The following GPCPD1 variants were observed in gnomAD, a reference collection of about 807,000 sequenced individuals.
GPCPD1 encodes glycerophosphocholine phosphodiesterase 1.
GPCPD1 carries 29 observed loss-of-function variants against 89.2 expected under a neutral mutation model. The observed-to-expected ratio is 0.33, with a 90% CI of 0.24 to 0.44. The LOEUF (loss-of-function observed/expected upper bound fraction) is 0.44. Among genes scored for constraint, GPCPD1 ranks in the 20% least tolerant of loss-of-function variants. GPCPD1 has a pLI of 1.00. For missense variants in GPCPD1, 594 were observed against 808.9 expected (o/e 0.73, Z 3.22); for synonymous variants, 258 against 266.3 (o/e 0.97, Z 0.30).
chr20:5,605,958 TTTGA>T (rs1202238039), intron 1 of GPCPD1, among the ~76,000 whole-genome samples: 1 of 152,136 alleles, frequency 6.6e-6, no homozygotes, highest in Non-Finnish European at 1.5e-5. Flanking sequence ...TTGGAATCAC[TTTGA>T]TTATTTATAG....
intron 3 of GPCPD1, among the ~76,000 whole-genome samples, chr20:5,597,903 T>A (rs1979843932): frequency 6.6e-6 from 1 of 152,178 alleles, no homozygotes; most frequent in African/African-American, 2.4e-5. Context: ...GCTATCTAAG[T>A]ATGTGTTCCA....
At chr20:5,555,142 C>A (rs1985681280) in intron 19 of GPCPD1, among the ~76,000 whole-genome samples, 2 of 152,196 alleles carry the variant, frequency 1.3e-5, no homozygotes, top group African/African-American at 4.8e-5. Flanking sequence ...CAAAGATGCT[C>A]TGAACATTGT....
intron 8 of GPCPD1, among the ~76,000 whole-genome samples, chr20:5,576,419 C>CA (rs11286776): frequency 0.04 from 3,669 of 90,634 alleles, 98 homozygotes; most frequent in Middle Eastern, 0.081. Context: ...CACTCCATCT[C>CA]AAAAAAAAAA....
intron 2 of GPCPD1, among the ~76,000 whole-genome samples, chr20:5,602,135 G>A (rs1486128709): frequency 6.6e-6 from 1 of 152,240 alleles, no homozygotes; most frequent in Non-Finnish European, 1.5e-5. Flanking sequence ...AAATCAAGGT[G>A]ATGGGGGAAT....
At chr20:5,603,665 C>A (rs986048863) in intron 2 of GPCPD1, among the ~76,000 whole-genome samples, 1 of 151,516 alleles carries the variant, frequency 6.6e-6, no homozygotes, top group African/African-American at 2.4e-5. Flanking sequence ...CTTTAAGGGA[C>A]AGCAAAAAAT....
chr20:5,601,427 G>A (rs1329922574), intron 2 of GPCPD1, among the ~76,000 whole-genome samples: 3 of 143,806 alleles, frequency 2.1e-5, no homozygotes, highest in Non-Finnish European at 4.5e-5. Context: ...GGAGTACAGT[G>A]GCGCAATCTC....
At chr20:5,580,491 C>T (rs59197163) in intron 6 of GPCPD1, among the ~76,000 whole-genome samples, 14,911 of 151,894 alleles carry the variant, frequency 0.098, 1,232 homozygotes, top group African/African-American at 0.23. Context: ...TTTGGGAGGC[C>T]GAGGCAGGCG....
At chr20:5,604,848 G>A (rs1328783635) in intron 1 of GPCPD1, among the ~76,000 whole-genome samples, 1 of 151,134 alleles carries the variant, frequency 6.6e-6, no homozygotes, top group African/African-American at 2.4e-5. Context: ...GCTACAGATT[G>A]AGACTGAGCT....
intron 3 of GPCPD1, among the ~76,000 whole-genome samples, chr20:5,595,537 A>G (rs1004862222): frequency 4.6e-5 from 7 of 152,126 alleles, no homozygotes; most frequent in African/African-American, 1.7e-4. Flanking sequence ...GCTACTCAGG[A>G]GGCTGAGGCA....
At chr20:5,571,196 C>T (rs1568655629) in intron 11 of GPCPD1, among the ~76,000 whole-genome samples, 1 of 152,220 alleles carries the variant, frequency 6.6e-6, no homozygotes, top group South Asian at 2.1e-4. Flanking sequence ...AAGAGTCTGG[C>T]GAGGAAGCCT....
chr20:5,588,100 A>G (rs1479509304), intron 4 of GPCPD1, among the ~76,000 whole-genome samples: 1 of 152,250 alleles, frequency 6.6e-6, no homozygotes, highest in East Asian at 1.9e-4. Flanking sequence ...TTTCGTATCC[A>G]TTATACTAAA....
chr20:5,573,621 C>T (rs1230623404), intron 11 of GPCPD1, among the ~76,000 whole-genome samples: 1 of 152,116 alleles, frequency 6.6e-6, no homozygotes, highest in Non-Finnish European at 1.5e-5. Context: ...GCACATGCCT[C>T]TAGTCCCACT....
intron 19 of GPCPD1, among the ~76,000 whole-genome samples, chr20:5,553,666 A>C (rs2122543426): frequency 1.3e-5 from 2 of 152,340 alleles, no homozygotes; most frequent in East Asian, 3.9e-4. Flanking sequence ...ATTGCTGATA[A>C]GGAGAAAGTT....
intron 19 of GPCPD1, chr20:5,549,274 A>G: frequency 5.8e-6 from 5 of 862,650 alleles, no homozygotes; most frequent in Non-Finnish European, 9.7e-6. Flanking sequence ...GTGATGATAT[A>G]TGTGCAGCTG....
chr20:5,580,770 A>AATCATTG (rs1978420436), intron 6 of GPCPD1, among the ~76,000 whole-genome samples: 1 of 151,990 alleles, frequency 6.6e-6, no homozygotes, highest in Admixed American at 6.5e-5. Context: ...CAAAATAATG[A>AATCATTG]ATCATTGTGA....
intron 3 of GPCPD1, among the ~76,000 whole-genome samples, chr20:5,597,319 G>C (rs908783149): frequency 6.6e-6 from 1 of 152,080 alleles, no homozygotes; most frequent in Admixed American, 6.5e-5. Flanking sequence ...TTTACCACCA[G>C]TGCTCCTCAA....
chr20:5,569,993 G>A (rs959272880), intron 12 of GPCPD1, among the ~76,000 whole-genome samples, 154 bp downstream of exon 12: 1 of 152,116 alleles, frequency 6.6e-6, no homozygotes, highest in Non-Finnish European at 1.5e-5. Context: ...TCTCAATGTT[G>A]CAAGAGCATG....
chr20:5,608,883 A>G (rs753179951), intron 1 of GPCPD1, among the ~76,000 whole-genome samples: 3 of 152,238 alleles, frequency 2.0e-5, no homozygotes, highest in Non-Finnish European at 1.5e-5. Flanking sequence ...TAGTATTTAA[A>G]TAACCCTTTT....
chr20:5,590,980 T>C (rs1398243085), intron 4 of GPCPD1, among the ~76,000 whole-genome samples: 1 of 151,854 alleles, frequency 6.6e-6, no homozygotes, highest in Non-Finnish European at 1.5e-5. Context: ...TGAGGAAACA[T>C]CCCTAATTCT....
Sources: allele counts gnomAD v4.1 joint callset (sites outside exome capture counted in the v4.1 genomes callset), GRCh38; gene constraint gnomAD v4.1.1; transcripts MANE v1.5; gene names NCBI Gene and HGNC (gene_info 2026-07-23, HGNC 2026-07-21).